The following CLDN14 variants were observed in gnomAD, a reference collection of about 807,000 sequenced individuals.
CLDN14 encodes the protein claudin 14.
Under a neutral mutation model 2.1 loss-of-function variants are expected in CLDN14, and 2 were observed. The ratio of observed to expected loss-of-function variants is 0.96; its 90% CI spans 0.39 to 3.01. CLDN14 has a LOEUF of 3.01. Among genes scored for constraint, CLDN14 ranks in the 30% most tolerant of loss-of-function variants. The pLI, the probability that CLDN14 is intolerant of heterozygous loss-of-function variation, is 0.09. For synonymous variants in CLDN14, 136 were observed against 154.4 expected, an observed-to-expected ratio of 0.88 and a Z score of 0.88; for missense variants, 298 against 328.0, an observed-to-expected ratio of 0.91 and a Z score of 0.71.
intron 1 of CLDN14, among the ~76,000 whole-genome samples, chr21:36,565,685 C>A (rs1205333648): frequency 6.6e-6 from 1 of 152,172 alleles, no homozygotes; most frequent in Non-Finnish European, 1.5e-5. Flanking sequence ...GTGCCATGCC[C>A]CTGAGCCTTC....
At chr21:36,501,229 T>G (rs1224597341) in intron 2 of CLDN14, among the ~76,000 whole-genome samples, 5 of 151,858 alleles carry the variant, frequency 3.3e-5, no homozygotes, top group Non-Finnish European at 7.4e-5. Context: ...ATCTGCCCAG[T>G]TTATATCAGC....
At chr21:36,534,003 A>G (rs1184614589) in intron 1 of CLDN14, among the ~76,000 whole-genome samples, 3 of 152,240 alleles carry the variant, frequency 2.0e-5, no homozygotes, top group Admixed American at 1.3e-4. Context: ...TAAAACTTAA[A>G]TAAATTGGTA....
At chr21:36,464,230 C>T (rs1020459216) in intron 1 of CLDN14, among the ~76,000 whole-genome samples, 4 of 152,128 alleles carry the variant, frequency 2.6e-5, no homozygotes, top group East Asian at 1.9e-4. Context: ...TGCCTTCTGC[C>T]GTGATTGTAA....
chr21:36,462,626 C>G (rs1328843947), intron 1 of CLDN14, among the ~76,000 whole-genome samples: 2 of 152,040 alleles, frequency 1.3e-5, no homozygotes, highest in Non-Finnish European at 2.9e-5. Context: ...AACATAGGGC[C>G]AGGCATATAG....
In CLDN14 at chr21:36,480,062, T is replaced by G. The variant is rs1309917300; in HGVS notation, c.-649A>C. The G allele has an allele frequency of 6.6e-6, 1 of 152,536 alleles. No individual in the cohort carries two copies. Among genetic ancestry groups the G allele is most frequent in the African/African-American group, 2.4e-5 (1 of 41,474 alleles). 9.4% of individuals were successfully genotyped at this position (152,536 alleles called of 1,614,324 possible). On this transcript the variant is annotated 5_prime_UTR_variant, in exon 1 of 2. Transcript: ENST00000399135. ...GCCCTGACCACCTGCCCACAGCGAC[T>G]GTGTCCTCCTCTGAGCCACCACCTG...
At chr21:36,496,376 G>A (rs142137979) in intron 2 of CLDN14, among the ~76,000 whole-genome samples, 7 of 148,562 alleles carry the variant, frequency 4.7e-5, no homozygotes, top group East Asian at 2.0e-4. Context: ...GGCTGAGGCC[G>A]CAGTGAGCCA....
intron 2 of CLDN14, among the ~76,000 whole-genome samples, chr21:36,489,801 G>A (rs976962367): frequency 3.9e-5 from 6 of 152,140 alleles, no homozygotes; most frequent in South Asian, 2.1e-4. Flanking sequence ...CAGTCCTCAC[G>A]GCTGGCCATA....
At chr21:36,523,002 C>T (rs566369740) in intron 1 of CLDN14, among the ~76,000 whole-genome samples, 2 of 152,194 alleles carry the variant, frequency 1.3e-5, no homozygotes, top group South Asian at 2.1e-4. Context: ...CATGTCACTG[C>T]GGAGGCTGAA....
In CLDN14 at chr21:36,499,115, G is replaced by T. The variant is rs1420752981; in HGVS notation, c.-82+11248C>A. ...TTCATTGAAGGAGGAGTAGAGAGAT[G>T]ATATCATTGACCACAGGACTCAAGA... On this transcript the variant is annotated intron_variant, in intron 2 of 2. Transcript: ENST00000342108. This position sits in a 1 kb window ranked among gnomAD's most constrained non-coding sequence, Gnocchi z 4.7. Among the ~76,000 whole-genome samples, 2 of 152,188 alleles carry T rather than the reference G, an allele frequency of 1.3e-5. No individual in the cohort carries two copies. The highest frequency in any genetic ancestry group is 2.9e-5 in the Non-Finnish European group (2 of 68,030).
In CLDN14 at chr21:36,544,097, G is replaced by A. The variant is rs1052804598; in HGVS notation, c.-220+32314C>T. On this transcript the variant is annotated intron_variant, in intron 1 of 2. Coordinates refer to the CLDN14 transcript ENST00000342108. This position sits in a 1 kb window ranked among gnomAD's most constrained non-coding sequence, Gnocchi z 4.1. The stretch of plus-strand genomic sequence containing the variant: ...GGGTTTCAATTTGGGGACCCAATGG[G>A]TGACACCCAGGAACCCAGAAGCCAC... 3.3e-5 allele frequency among the ~76,000 whole-genome samples: 5 copies of A among 152,214 alleles called. No individual in the cohort carries two copies. Among genetic ancestry groups the A allele is most frequent in the Non-Finnish European group, 7.3e-5 (5 of 68,038 alleles).
intron 1 of CLDN14, among the ~76,000 whole-genome samples, chr21:36,473,391 C>T (rs965461041): frequency 2.6e-5 from 4 of 152,232 alleles, no homozygotes. Context: ...CCTGGCCCAC[C>T]CTGCAGATTT....
At chr21:36,572,498 C>A (rs1601641556) in intron 1 of CLDN14, among the ~76,000 whole-genome samples, 1 of 152,182 alleles carries the variant, frequency 6.6e-6, no homozygotes, top group South Asian at 2.1e-4. Context: ...CTTTGTAGCA[C>A]CACACTTAGC....
At chr21:36,467,346 C>T (rs1328043390) in intron 1 of CLDN14, among the ~76,000 whole-genome samples, 1 of 152,150 alleles carries the variant, frequency 6.6e-6, no homozygotes, top group African/African-American at 2.4e-5. Context: ...GATCGCCTGG[C>T]CAGGACTGAG....
At chr21:36,481,966 G>C (rs1251546138), upstream of CLDN14, among the ~76,000 whole-genome samples, 3 of 152,182 alleles carry the variant, frequency 2.0e-5, no homozygotes, top group Non-Finnish European at 4.4e-5. Context: ...GGGAAAATGA[G>C]GGGGTAGAGA....
intron 1 of CLDN14, among the ~76,000 whole-genome samples, chr21:36,464,731 A>G (rs1375108290): frequency 6.6e-6 from 1 of 152,162 alleles, no homozygotes; most frequent in Non-Finnish European, 1.5e-5. Context: ...ACACTGACAC[A>G]TTTCCTAGTT....
At chr21:36,483,448 G>A (rs1323380051), upstream of CLDN14, among the ~76,000 whole-genome samples, 1 of 152,248 alleles carries the variant, frequency 6.6e-6, no homozygotes, top group East Asian at 1.9e-4. Context: ...GAAAGTTCCT[G>A]ACCCTTTGTC....
chr21:36,463,147 G>A (rs116699215), intron 1 of CLDN14, among the ~76,000 whole-genome samples: 2,308 of 152,300 alleles, frequency 0.015, 28 homozygotes, highest in Middle Eastern at 0.093. Context: ...CAGCGAGACC[G>A]GGCATTAGCA....
chr21:36,470,289 C>T (rs1055889891), intron 1 of CLDN14, among the ~76,000 whole-genome samples: 1 of 152,132 alleles, frequency 6.6e-6, no homozygotes, highest in African/African-American at 2.4e-5. Flanking sequence ...AAGATAAGGT[C>T]ATACGTAAAA....
At chr21:36,486,264 T>C (rs2086894484) in intron 2 of CLDN14, 1 of 810,892 alleles carries the variant, frequency 1.2e-6, no homozygotes, top group Non-Finnish European at 2.2e-6. Context: ...CAATCCCCTC[T>C]TCCTTAGGTC....
Sources: gnomAD v4.1 joint callset for allele counts (sites outside exome capture counted in the v4.1 genomes callset) on GRCh38, gnomAD v4.1.1 for gene constraint, Gnocchi (gnomAD v3.1) non-coding constraint, MANE v1.5 for transcripts, NCBI Gene and HGNC (gene_info 2026-07-23, HGNC 2026-07-21) for gene names.